Variants in ANKFN1 observed in about 807,000 individuals in gnomAD.
ANKFN1 encodes ankyrin repeat and fibronectin type III domain containing 1.
In ANKFN1, 74 loss-of-function variants were observed where a neutral mutation model predicts 108.7. That is an observed-to-expected ratio of 0.68 (90% confidence interval 0.56 to 0.83). The LOEUF is 0.83. ANKFN1 is among the 40% of genes least tolerant of loss of function. The pLI, the probability that ANKFN1 is intolerant of heterozygous loss-of-function variation, is 0.00. For synonymous variants in ANKFN1, 547 were observed against 516.2 expected (o/e 1.06, Z -0.81); for missense variants, 1,505 against 1,382.3 (o/e 1.09, Z -1.41).
chr17:56,105,868 T>C (rs949849244), intron 4 of ANKFN1, among the ~76,000 whole-genome samples: 1 of 151,848 alleles, frequency 6.6e-6, no homozygotes, highest in African/African-American at 2.4e-5. Flanking sequence ...ATTGTCACCA[T>C]TGGGGTGGTG....
In ANKFN1 at chr17:56,511,040, G is replaced by A. The variant is rs146104146; in HGVS notation, c.3212G>A (p.Ser1071Asn). 2,966 of 1,536,006 alleles carry A rather than the reference G, an allele frequency of 1.9e-3. 37 individuals carry two copies. In the African/African-American group the frequency reaches 0.032, roughly 17 times the overall value. The change falls in exon 21 of 21, where the codon AGC (serine) becomes AAC (asparagine). Residue 1071 changes from serine (S) to asparagine (N), a missense_variant. Coordinates refer to ENST00000682825, the MANE Select transcript of ANKFN1 (RefSeq NM_001370326.1). Reference sequence around the variant, plus strand: ...GGCCTAACTCTGGCCCACGCTGCCAGCCTTCCTGAGGAGCGGAACAGCAGT... The same window carrying A: ...GGCCTAACTCTGGCCCACGCTGCCAACCTTCCTGAGGAGCGGAACAGCAGT... Reference protein sequence around the residue: ...PRGLTLAHAASLPEERNSSLQ... With the variant: ...PRGLTLAHAANLPEERNSSLQ...
chr17:56,153,165 CT>C (rs2143449217), upstream of ANKFN1, among the ~76,000 whole-genome samples: 1 of 152,340 alleles, frequency 6.6e-6, no homozygotes, highest in African/African-American at 2.4e-5. Context: ...AATCCCACCC[CT>C]TTCAGGGGCA....
rs1329320986 is a variant in ANKFN1, at chr17:56,516,060, A to G, written c.*4791A>G. Among the ~76,000 whole-genome samples the G allele has an allele frequency of 6.6e-6, 1 of 152,194 alleles. No individual in the cohort carries two copies. The highest frequency in any genetic ancestry group is 1.5e-5 in the Non-Finnish European group (1 of 68,040). ...TAAGGCTCTTTGCTCCTCTTCCTGCAGTCCATGCCATGAAAGTCTGAATAT... is the reference window on the plus strand; with the variant it reads ...TAAGGCTCTTTGCTCCTCTTCCTGCGGTCCATGCCATGAAAGTCTGAATAT... On this transcript the variant is annotated 3_prime_UTR_variant, in exon 21 of 21. Transcript: ENST00000682825.
rs536831072 is a variant in ANKFN1 at position 56,418,063 on chromosome 17, G to A, written c.911-22264G>A. Among the ~76,000 whole-genome samples the A allele has an allele frequency of 5.9e-5, 9 of 152,074 alleles. 1 individual carries two copies. The highest frequency in any genetic ancestry group is 1.2e-4 in the Non-Finnish European group (8 of 68,020). Reference sequence around the variant, plus strand: ...TCTACTATCCAATAGAAATCGTTTGGCAAAACTTCCCCAGGACTTTTAAGT... The same window carrying A: ...TCTACTATCCAATAGAAATCGTTTGACAAAACTTCCCCAGGACTTTTAAGT... On this transcript the variant is annotated intron_variant, in intron 8 of 20. Transcript: ENST00000682825.
chr17:56,239,254 G>C (rs925686885), intron 3 of ANKFN1, among the ~76,000 whole-genome samples: 1 of 152,136 alleles, frequency 6.6e-6, no homozygotes, highest in African/African-American at 2.4e-5. Flanking sequence ...ATAAGAAATG[G>C]AGAGAGGTTG....
intron 4 of ANKFN1, among the ~76,000 whole-genome samples, chr17:56,057,854 A>G (rs992682887): frequency 4.6e-5 from 7 of 152,216 alleles, no homozygotes; most frequent in African/African-American, 1.4e-4. Context: ...GTTAGAAGGC[A>G]TGAAAATGAC....
intron 14 of ANKFN1, 65 bp downstream of exon 14, chr17:56,458,044 C>T: frequency 7.5e-7 from 1 of 1,326,128 alleles, no homozygotes; most frequent in Non-Finnish European, 1.1e-6. Flanking sequence ...AATTCAGTTA[C>T]CAGTCCTACC....
Position 56,370,790 on chromosome 17 carries a change from G to A in ANKFN1, c.602-1856G>A, listed in dbSNP as rs539987594. On this transcript the variant is annotated intron_variant, in intron 6 of 20. Coordinates refer to ENST00000682825, the MANE Select transcript of ANKFN1 (RefSeq NM_001370326.1). ...AGGCTATAATGAGACTGTGTTTGAG[G>A]GCTTCAGTCATAGCAGACTCTACCA... is the stretch of plus-strand genomic sequence containing the variant. Among the ~76,000 whole-genome samples, 5 of 152,234 alleles carry A rather than the reference G, an allele frequency of 3.3e-5. No homozygotes were observed. In the South Asian group the frequency reaches 1.0e-3, roughly 32 times the overall value.
chr17:56,252,880 T>C (rs1297914458), intron 3 of ANKFN1, among the ~76,000 whole-genome samples: 3 of 151,016 alleles, frequency 2.0e-5, no homozygotes, highest in Admixed American at 1.3e-4. Context: ...GGCAACATAG[T>C]GAGACCCCAT....
chr17:56,444,103 A>AG (rs2145177526), intron 10 of ANKFN1, among the ~76,000 whole-genome samples: 1 of 152,346 alleles, frequency 6.6e-6, no homozygotes, highest in Non-Finnish European at 1.5e-5. Flanking sequence ...CATGTGTGGT[A>AG]GGGAGAACAA....
At chr17:56,471,973 T>A (rs909525201) in intron 15 of ANKFN1, 1 of 152,202 alleles carries the variant, frequency 6.6e-6, no homozygotes, top group African/African-American at 2.4e-5. Context: ...CTGGTGATAG[T>A]TGCACAACCA....
intron 1 of ANKFN1, among the ~76,000 whole-genome samples, chr17:56,172,897 C>G (rs917415297): frequency 1.6e-4 from 24 of 152,168 alleles, no homozygotes; most frequent in African/African-American, 5.8e-4. Flanking sequence ...CCCTGGAGCA[C>G]TTGTATCATC....
intron 3 of ANKFN1, among the ~76,000 whole-genome samples, chr17:56,304,594 A>G (rs1238083639): frequency 6.6e-6 from 1 of 152,180 alleles, no homozygotes; most frequent in African/African-American, 2.4e-5. Flanking sequence ...TGGTTGTACA[A>G]TTTCACATTC....
chr17:56,333,632 A>G (rs1879937059), intron 4 of ANKFN1, among the ~76,000 whole-genome samples: 1 of 151,874 alleles, frequency 6.6e-6, no homozygotes, highest in Admixed American at 6.6e-5. Context: ...ATTGGTCCAT[A>G]CCTTTTTTTT....
chr17:56,459,421 C>G (rs2049828942), intron 14 of ANKFN1, among the ~76,000 whole-genome samples: 1 of 152,140 alleles, frequency 6.6e-6, no homozygotes, highest in African/African-American at 2.4e-5. Context: ...TCAACTCACT[C>G]TTGATTGCAT....
intron 4 of ANKFN1, among the ~76,000 whole-genome samples, chr17:56,051,710 C>T (rs983948186): frequency 1.4e-5 from 2 of 141,742 alleles, no homozygotes; most frequent in African/African-American, 5.3e-5. Context: ...TGATAAGCAA[C>T]TTCAGCAAAG....
intron 8 of ANKFN1, among the ~76,000 whole-genome samples, chr17:56,430,737 G>C (rs932699274): frequency 1.1e-4 from 17 of 152,206 alleles, no homozygotes; most frequent in African/African-American, 4.1e-4. Context: ...TATGCTAGCT[G>C]CTGAGGACTA....
chr17:56,152,258 ATATATGTGTGTG>A (rs1346690404), upstream of ANKFN1, among the ~76,000 whole-genome samples: 42 of 84,476 alleles, frequency 5.0e-4, 1 homozygote, highest in South Asian at 2.4e-3. Context: ...ATATATATAT[ATATATGTGTGTG>A]TGTGTGTGTG....
intron 8 of ANKFN1, among the ~76,000 whole-genome samples, chr17:56,381,069 G>A (rs1034964289): frequency 7.2e-5 from 11 of 152,130 alleles, no homozygotes; most frequent in Non-Finnish European, 1.2e-4. Context: ...TCAAACGGCC[G>A]GGTACTCCTC....
Sources: allele counts gnomAD v4.1 joint callset (sites outside exome capture counted in the v4.1 genomes callset), GRCh38; gene constraint gnomAD v4.1.1; transcripts MANE v1.5; gene names NCBI Gene and HGNC (gene_info 2026-07-23, HGNC 2026-07-21).